Variants in MAK observed in about 807,000 individuals in gnomAD.
MAK encodes serine/threonine-protein kinase MAK.
In MAK, 65 loss-of-function variants were observed where a neutral mutation model predicts 82.6. That is an observed-to-expected ratio of 0.79 (90% CI 0.64 to 0.97). The LOEUF is 0.97. MAK is among the 50% of genes least tolerant of loss of function. The pLI is 0.00. For missense variants in MAK, 703 were observed against 780.2 expected (o/e 0.90, Z 1.18); for synonymous variants, 250 against 274.2 (o/e 0.91, Z 0.87).
intron 8 of MAK, 93 bp downstream of exon 8, chr6:10,801,799 G>T: frequency 8.3e-7 from 1 of 1,201,062 alleles, no homozygotes; most frequent in Non-Finnish European, 1.2e-6. Context: ...GTAAAATCCT[G>T]GTTGAGAATA....
chr6:10,794,919 G>A (rs1419139411), intron 9 of MAK, among the ~76,000 whole-genome samples: 3 of 152,084 alleles, frequency 2.0e-5, no homozygotes, highest in Non-Finnish European at 4.4e-5. Context: ...TTGAACCTGG[G>A]AGGTGGAGGT....
intron 14 of MAK, among the ~76,000 whole-genome samples, chr6:10,765,471 T>TTTTTTTTTTTTTTTTTTTTTTTTA (rs1561923828): frequency 1.7e-5 from 2 of 114,962 alleles, no homozygotes; most frequent in African/African-American, 6.8e-5. Context: ...TTTTTTTTTT[T>TTTTTTTTTTTTTTTTTTTTTTTTA]TTAATGAGGC....
Position 10,803,406 on chromosome 6 carries a change from G to A in MAK, c.663+314C>T, listed in dbSNP as rs149916557. ...CTAACAATAGAAAAATTGACCAGGC[G>A]TGGTGGTGCACACCTGTAATCCCAG... On this transcript the variant is annotated intron_variant, in intron 7 of 14. Coordinates refer to ENST00000354489, the MANE Select transcript of MAK (RefSeq NM_001242957.3). Among the ~76,000 whole-genome samples, 1,103 of 151,964 alleles carry A rather than the reference G, an allele frequency of 7.3e-3. 14 individuals are homozygous for A. The highest frequency in any genetic ancestry group is 0.026 in the African/African-American group (1,058 of 41,448).
chr6:10,815,912 G>GTGTGTGTATATATATATATATATA (rs1554184483), intron 4 of MAK, among the ~76,000 whole-genome samples: 187 of 108,116 alleles, frequency 1.7e-3, no homozygotes, highest in Non-Finnish European at 2.6e-3. Context: ...GCTTTATACA[G>GTGTGTGTATATATATATATATATA]TATATATATA....
At chr6:10,796,523 T>C (rs1447513608) in intron 8 of MAK, among the ~76,000 whole-genome samples, 1 of 152,080 alleles carries the variant, frequency 6.6e-6, no homozygotes, top group Non-Finnish European at 1.5e-5. Context: ...AAATTAAAAG[T>C]GGCTGGGCAT....
rs1161486114 is a variant in MAK at position 10,776,594 on chromosome 6, T to C, written c.1466-1135A>G. On this transcript the variant is annotated intron_variant, in intron 11 of 14. Transcript: ENST00000354489. This position sits in a 1 kb window ranked among gnomAD's most constrained non-coding sequence, Gnocchi z 4.3. ...TGTCTCCAGGCAGTTGAGCTTTTGCTTTCCGCGAGCTGGATTCCTTAGAAA... is the reference window on the plus strand; with the variant it reads ...TGTCTCCAGGCAGTTGAGCTTTTGCCTTCCGCGAGCTGGATTCCTTAGAAA... Among the ~76,000 whole-genome samples, 1 of 152,204 alleles carries C rather than the reference T, an allele frequency of 6.6e-6. No individual in the cohort carries two copies. The highest frequency in any genetic ancestry group is 2.4e-5 in the African/African-American group (1 of 41,462).
At chr6:10,815,935 T>G (rs1489635333) in intron 4 of MAK, among the ~76,000 whole-genome samples, 1 of 135,304 alleles carries the variant, frequency 7.4e-6, no homozygotes, top group Admixed American at 7.2e-5. Context: ...TATATATATA[T>G]ATATATATAT....
At chr6:10,802,266 A>G (rs1241013109) in intron 7 of MAK, 1 of 533,444 alleles carries the variant, frequency 1.9e-6, no homozygotes, top group African/African-American at 1.9e-5. Context: ...GAGAGTTAGG[A>G]AACAATGCGA....
In MAK at chr6:10,796,307, T is replaced by C; in HGVS notation, c.834A>G (p.Ala278=). The change falls in exon 9 of 15, where the codon GCA becomes GCG. Residue 278 remains alanine, a splice_region_variant and synonymous_variant. Transcript: ENST00000354489. ...CAACTTGAAAATATGGGTGTTTCAA[T>C]GCCTATAAAAACACAGAGAAAACAA... is the stretch of plus-strand genomic sequence containing the variant. ...DPKKRPTASQ[A]LKHPYFQVGQ... 6.2e-7 allele frequency: 1 copy of C among 1,611,444 alleles called. No homozygotes were observed.
At chr6:10,767,653 G>T (rs1772569514) in intron 14 of MAK, among the ~76,000 whole-genome samples, 1 of 152,070 alleles carries the variant, frequency 6.6e-6, no homozygotes, top group African/African-American at 2.4e-5. Context: ...GCTGGGCGTG[G>T]TGGCACGCAC....
intron 11 of MAK, among the ~76,000 whole-genome samples, chr6:10,775,703 A>G (rs993173839): frequency 1.3e-5 from 2 of 152,238 alleles, no homozygotes; most frequent in Non-Finnish European, 2.9e-5. Context: ...ACAATATAAT[A>G]ATAACACTTG....
intron 8 of MAK, 78 bp from the exon 9 acceptor site, chr6:10,796,387 G>T: frequency 8.2e-7 from 1 of 1,226,670 alleles, no homozygotes; most frequent in Non-Finnish European, 1.2e-6. Flanking sequence ...GGTTGGCCCT[G>T]TGCGAGGCAT....
chr6:10,789,790 G>A (rs370441802), intron 10 of MAK, among the ~76,000 whole-genome samples: 15 of 152,008 alleles, frequency 9.9e-5, no homozygotes, highest in African/African-American at 3.6e-4. Flanking sequence ...TGAGTAGCTG[G>A]GATTACAGGC....
In MAK at chr6:10,791,600, A is replaced by T. The variant is rs903746393; in HGVS notation, c.1316+75T>A. 10 of 1,362,992 alleles carry T rather than the reference A, an allele frequency of 7.3e-6. No individual in the cohort carries two copies. The Admixed American group carries it at 1.8e-4, about 25-fold the overall frequency. The allele number at this position is 1,362,992 out of a possible 1,614,324, so 84.4% of individuals were successfully genotyped here. The stretch of plus-strand genomic sequence containing the variant: ...AAACTTTTCTTCTTTTAGGGTCTAC[A>T]TGCATTTATATTTAATGAGTAAAAT... On this transcript the variant is annotated intron_variant, in intron 10 of 14. Coordinates refer to ENST00000354489, the MANE Select transcript of MAK (RefSeq NM_001242957.3).
chr6:10,768,529 T>C (rs961450094), intron 14 of MAK, among the ~76,000 whole-genome samples: 1 of 152,050 alleles, frequency 6.6e-6, no homozygotes, highest in East Asian at 1.9e-4. Context: ...TGCAGTGAGC[T>C]GAGATCACAC....
In MAK at chr6:10,775,450, G is replaced by A; in HGVS notation, c.1475C>T (p.Pro492Leu). Residue 492 changes from proline to leucine, a missense_variant, in exon 12 of 15, where the codon CCC (proline) becomes CTC (leucine). Pro to Leu is a moderately conservative substitution (Grantham distance 98). Coordinates refer to ENST00000354489, the MANE Select transcript of MAK (RefSeq NM_001242957.3). ...KQSRYLPGVN[P>L]KKVSLIASGK... ...ACTGGCTATCAAGGACACCTTCTTG[G>A]GATTCACACCTGAGAAGAACAAAAC... 1 of 1,613,016 alleles carries A rather than the reference G, an allele frequency of 6.2e-7. No homozygotes were observed. The highest frequency in any genetic ancestry group is 8.5e-7 in the Non-Finnish European group (1 of 1,179,398).
In MAK at chr6:10,800,569, G is replaced by A. The variant is rs986336843; in HGVS notation, c.831+1323C>T. On this transcript the variant is annotated intron_variant, in intron 8 of 14. Coordinates refer to ENST00000354489, the MANE Select transcript of MAK (RefSeq NM_001242957.3). The surrounding 1 kb of genome is among the most constrained non-coding windows in gnomAD (Gnocchi z 4.2). ...GAAAATGTAATCCTGGTCGGGCGCGGTGGCTCACACCTGTAATCCCAGCAC... is the reference window on the plus strand; with the variant it reads ...GAAAATGTAATCCTGGTCGGGCGCGATGGCTCACACCTGTAATCCCAGCAC... Among the ~76,000 whole-genome samples the A allele has an allele frequency of 3.3e-5, 5 of 151,958 alleles. No individual in the cohort carries two copies. The highest frequency in any genetic ancestry group is 1.2e-4 in the African/African-American group (5 of 41,342).
At chr6:10,795,015 T>A (rs772611488) in intron 9 of MAK, among the ~76,000 whole-genome samples, 12 of 148,756 alleles carry the variant, frequency 8.1e-5, no homozygotes, top group Admixed American at 4.7e-4. Flanking sequence ...ATAATAATAA[T>A]AAATAAAAAC....
At chr6:10,818,831 G>A (rs182810308) in intron 3 of MAK, 55 bp downstream of exon 3, 7 of 900,918 alleles carry the variant, frequency 7.8e-6, no homozygotes, top group Admixed American at 5.5e-5. Context: ...TCTTAACTAC[G>A]GTCCTCAGGT....
Sources: allele counts gnomAD v4.1 joint callset (sites outside exome capture counted in the v4.1 genomes callset), GRCh38; gene constraint gnomAD v4.1.1; non-coding constraint Gnocchi (gnomAD v3.1); transcripts MANE v1.5; gene names NCBI Gene and HGNC (gene_info 2026-07-23, HGNC 2026-07-21).